The following CRACR2A variants were observed in gnomAD, a reference collection of about 807,000 sequenced individuals.
The protein encoded by CRACR2A is calcium release activated channel regulator 2A.
Under a neutral mutation model 90.5 loss-of-function variants are expected in CRACR2A, and 79 were observed. The ratio of observed to expected loss-of-function variants is 0.87; its 90% CI spans 0.73 to 1.05. The LOEUF (loss-of-function observed/expected upper bound fraction) is 1.05. Among genes scored for constraint, CRACR2A ranks in the 50% least tolerant of loss-of-function variants. CRACR2A has a pLI of 0.00. For missense variants in CRACR2A, 823 were observed against 897.2 expected, an observed-to-expected ratio of 0.92 and a Z score of 1.06; for synonymous variants, 338 against 356.7, an observed-to-expected ratio of 0.95 and a Z score of 0.59.
At chr12:3,623,216 T>C (rs1944182395) in intron 17 of CRACR2A, among the ~76,000 whole-genome samples, 1 of 152,226 alleles carries the variant, frequency 6.6e-6, no homozygotes, top group Non-Finnish European at 1.5e-5. Context: ...GGAAAGTCAC[T>C]TCCTCTTTTT....
rs935115227 is a variant in CRACR2A, at chr12:3,638,154, C to T, written c.1572G>A (p.Gly524=). The part of the protein sequence containing the change: ...PLKLTPTSPR[G]QPVGKEALCK... Reference sequence around the variant, plus strand: ...ACAGGGCTTCTTTTCCAACAGGCTGCCCTCGGGGGGATGTGGGGGTGAGTT... The same window carrying T: ...ACAGGGCTTCTTTTCCAACAGGCTGTCCTCGGGGGGATGTGGGGGTGAGTT... Residue 524 remains glycine, a synonymous_variant, in exon 14 of 20, where the codon GGG becomes GGA. Coordinates refer to ENST00000440314, the MANE Select transcript of CRACR2A (RefSeq NM_001144958.2). 32 of 1,548,354 alleles carry T rather than the reference C, an allele frequency of 2.1e-5. No individual in the cohort carries two copies. In the African/African-American group the frequency reaches 3.7e-4, roughly 18 times the overall value.
At chr12:3,734,850 T>G (rs1472021140) in intron 1 of CRACR2A, among the ~76,000 whole-genome samples, 2 of 152,138 alleles carry the variant, frequency 1.3e-5, no homozygotes, top group East Asian at 1.9e-4. Context: ...GAACGGTGGT[T>G]GCAAGGGGCT....
intron 13 of CRACR2A, chr12:3,640,828 T>C (rs1944553062): frequency 2.3e-6 from 3 of 1,302,660 alleles, no homozygotes; most frequent in South Asian, 2.5e-5. Flanking sequence ...AGGGGACTGG[T>C]TTGTCTCTCA....
rs150479818 is a variant in CRACR2A, at chr12:3,644,340, G to T, written c.1164+255C>A. On this transcript the variant is annotated intron_variant, in intron 12 of 19. Transcript: ENST00000440314. ...ATAGAACTATCATTTCTGCATCCAA[G>T]AAATGTGCGACCCTCCCAAATATTT... Among the ~76,000 whole-genome samples the T allele has an allele frequency of 1.6e-3, 246 of 152,250 alleles. 6 individuals carry two copies. In the East Asian group the frequency reaches 0.036, roughly 22 times the overall value.
Position 3,644,653 on chromosome 12 carries a change from A to C in CRACR2A, c.1119-13T>G. On this transcript the variant is annotated splice_polypyrimidine_tract_variant and intron_variant, in intron 11 of 19. Transcript: ENST00000440314. ...CTTGTTCCTTTCCCTGTGGATGGTAAAGGGGAATCTATTCAAACATGGAGT... is the reference window on the plus strand; with the variant it reads ...CTTGTTCCTTTCCCTGTGGATGGTACAGGGGAATCTATTCAAACATGGAGT... 1 of 1,551,546 alleles carries C rather than the reference A, an allele frequency of 6.4e-7. No homozygotes were observed. Among genetic ancestry groups the C allele is most frequent in the Non-Finnish European group, 8.7e-7 (1 of 1,146,898 alleles).
intron 10 of CRACR2A, among the ~76,000 whole-genome samples, chr12:3,649,525 T>C (rs909405429): frequency 2.0e-5 from 3 of 152,216 alleles, no homozygotes; most frequent in African/African-American, 7.2e-5. Context: ...CTCTGACTTA[T>C]GATCCAGCTG....
intron 4 of CRACR2A, among the ~76,000 whole-genome samples, chr12:3,695,402 G>T (rs981235275): frequency 1.3e-5 from 2 of 152,178 alleles, no homozygotes; most frequent in Non-Finnish European, 2.9e-5. Flanking sequence ...TGCAAAGAAG[G>T]GTAGGTTGGG....
At chr12:3,701,787 T>C (rs1188446309) in intron 3 of CRACR2A, among the ~76,000 whole-genome samples, 1 of 152,082 alleles carries the variant, frequency 6.6e-6, no homozygotes, top group Non-Finnish European at 1.5e-5. Flanking sequence ...TTTCAGAAAA[T>C]TGAAGACTAG....
chr12:3,739,785 T>C (rs1218389312), intron 1 of CRACR2A, among the ~76,000 whole-genome samples: 1 of 151,880 alleles, frequency 6.6e-6, no homozygotes, highest in African/African-American at 2.4e-5. Flanking sequence ...AATACAAAAA[T>C]CAGCCGGACA....
At chr12:3,620,557 A>C (rs755525103) in intron 17 of CRACR2A, among the ~76,000 whole-genome samples, 18 of 152,230 alleles carry the variant, frequency 1.2e-4, no homozygotes, top group Admixed American at 2.6e-4. Flanking sequence ...AGGGGAAAAA[A>C]ATTCTTATTT....
intron 12 of CRACR2A, 124 bp from the exon 13 acceptor site, chr12:3,641,962 G>A: frequency 1.3e-6 from 1 of 798,944 alleles, no homozygotes; most frequent in Non-Finnish European, 2.0e-6. Flanking sequence ...AGTAGGCAGT[G>A]TTCTGGTCTC....
intron 6 of CRACR2A, 123 bp downstream of exon 6, chr12:3,678,792 C>A: frequency 8.8e-7 from 1 of 1,130,424 alleles, no homozygotes; most frequent in Non-Finnish European, 1.2e-6. Context: ...GGGCCTTTAC[C>A]TGCACTGCAT....
chr12:3,669,805 C>A (rs242039), intron 7 of CRACR2A, among the ~76,000 whole-genome samples: 132,256 of 152,060 alleles, frequency 0.87, 57,697 homozygotes, highest in East Asian at 1. Context: ...TCACAGCCAC[C>A]GTGCGACCTG....
At chr12:3,690,964 A>G (rs139686609) in intron 4 of CRACR2A, among the ~76,000 whole-genome samples, 1 of 152,222 alleles carries the variant, frequency 6.6e-6, no homozygotes, top group East Asian at 1.9e-4. Flanking sequence ...TGAAATCAGG[A>G]TTGCAACCCC....
chr12:3,666,352 T>TGCGC (rs1945143677), intron 7 of CRACR2A, among the ~76,000 whole-genome samples: 2 of 147,368 alleles, frequency 1.4e-5, no homozygotes, highest in African/African-American at 2.7e-5. Context: ...TGTGTGTGTG[T>TGCGC]GTGCGTGCGT....
chr12:3,627,813 G>C, intron 15 of CRACR2A, 107 bp from the exon 16 acceptor site: 1 of 1,178,402 alleles, frequency 8.5e-7, no homozygotes. Context: ...GGCCCAAGGT[G>C]ACAACCCTCC....
At chr12:3,736,682 G>A (rs138762083) in intron 1 of CRACR2A, among the ~76,000 whole-genome samples, 114 of 152,264 alleles carry the variant, frequency 7.5e-4, no homozygotes, top group African/African-American at 2.7e-3. Context: ...CTCAGAACAC[G>A]TCAGCCAAGG....
At chr12:3,729,795 C>T (rs1452046867) in intron 2 of CRACR2A, 2 of 152,128 alleles carry the variant, frequency 1.3e-5, no homozygotes, top group African/African-American at 2.4e-5. Flanking sequence ...GATCCTAGTT[C>T]TTCTGTGTGC....
At chr12:3,626,705 T>C (rs192221795) in intron 17 of CRACR2A, among the ~76,000 whole-genome samples, 4 of 152,292 alleles carry the variant, frequency 2.6e-5, no homozygotes, top group African/African-American at 9.6e-5. Flanking sequence ...AAAAAGCAAT[T>C]TGTAGCTTGT....
Sources: gnomAD v4.1 joint callset for allele counts (sites outside exome capture counted in the v4.1 genomes callset) on GRCh38, gnomAD v4.1.1 for gene constraint, MANE v1.5 for transcripts, NCBI Gene and HGNC (gene_info 2026-07-23, HGNC 2026-07-21) for gene names.